CNTN1: variants seen among roughly 807,000 people sequenced by gnomAD.
CNTN1 encodes contactin-1.
CNTN1 carries 38 observed loss-of-function variants against 126.4 expected under a neutral mutation model. The ratio of observed to expected loss-of-function variants is 0.30; its 90% confidence interval spans 0.23 to 0.39. CNTN1 has a LOEUF of 0.39. Ranked by LOEUF, CNTN1 falls within the 10% of genes least tolerant of loss-of-function variation. The pLI, the probability that CNTN1 is intolerant of heterozygous loss-of-function variation, is 1.00. For missense variants in CNTN1, 1,009 were observed against 1,248.4 expected, an observed-to-expected ratio of 0.81 and a Z score of 2.89; for synonymous variants, 413 against 422.6, an observed-to-expected ratio of 0.98 and a Z score of 0.28.
intron 23 of CNTN1, among the ~76,000 whole-genome samples, chr12:41,067,851 T>G (rs1311052031): frequency 6.6e-6 from 1 of 152,170 alleles, no homozygotes; most frequent in African/African-American, 2.4e-5. Flanking sequence ...TGAGGTTTAT[T>G]ATTGGGCATC....
chr12:40,716,627 A>G (rs1323713120), intron 1 of CNTN1, among the ~76,000 whole-genome samples: 1 of 152,226 alleles, frequency 6.6e-6, no homozygotes, highest in Non-Finnish European at 1.5e-5. Flanking sequence ...TCATTGGCTT[A>G]GCCTTCAATG....
intron 1 of CNTN1, among the ~76,000 whole-genome samples, chr12:40,752,009 A>T (rs1338278723): frequency 1.3e-5 from 2 of 151,996 alleles, no homozygotes; most frequent in East Asian, 1.9e-4. Context: ...ACTGGAGTGA[A>T]TTTTTTTCAT....
intron 1 of CNTN1, among the ~76,000 whole-genome samples, chr12:40,821,794 A>G (rs2136528513): frequency 6.6e-6 from 1 of 152,194 alleles, no homozygotes; most frequent in South Asian, 2.1e-4. Context: ...TTCAAATAGA[A>G]TTGGATGACA....
intron 5 of CNTN1, among the ~76,000 whole-genome samples, chr12:40,924,232 T>C (rs111299925): frequency 3.9e-5 from 6 of 152,156 alleles, no homozygotes; most frequent in Non-Finnish European, 8.8e-5. Flanking sequence ...TCTGATTTCA[T>C]TGTATTTCCA....
intron 1 of CNTN1, among the ~76,000 whole-genome samples, chr12:40,825,288 A>C (rs1020652643): frequency 1.3e-5 from 2 of 152,276 alleles, no homozygotes; most frequent in African/African-American, 4.8e-5. Context: ...GGTAGGATGC[A>C]TTCTTTTCCT....
chr12:40,926,274 G>A (rs1057404385), intron 6 of CNTN1, among the ~76,000 whole-genome samples: 10 of 151,870 alleles, frequency 6.6e-5, no homozygotes, highest in African/African-American at 2.2e-4. Flanking sequence ...ACTGAACTCA[G>A]GAGGAGCATC....
At chr12:40,801,447 T>C (rs910219017) in intron 1 of CNTN1, among the ~76,000 whole-genome samples, 1 of 151,976 alleles carries the variant, frequency 6.6e-6, no homozygotes, top group Non-Finnish European at 1.5e-5. Context: ...TTGTTAATTA[T>C]AGTTTTGATC....
chr12:40,868,382 C>T (rs887149831), intron 1 of CNTN1, among the ~76,000 whole-genome samples: 5 of 152,094 alleles, frequency 3.3e-5, no homozygotes, highest in African/African-American at 9.7e-5. Context: ...CAGAGGATTA[C>T]ATCCTTGGTA....
chr12:41,009,484 G>A (rs1948592601), intron 17 of CNTN1, among the ~76,000 whole-genome samples: 2 of 152,162 alleles, frequency 1.3e-5, no homozygotes. Context: ...TGGCTGTTGA[G>A]CTGGTCCACA....
At chr12:40,695,180 C>T (rs1941421431) in intron 1 of CNTN1, among the ~76,000 whole-genome samples, 1 of 152,196 alleles carries the variant, frequency 6.6e-6, no homozygotes, top group South Asian at 2.1e-4. Context: ...ACATTGAACA[C>T]AGTCCTATAA....
At chr12:40,933,194 A>C (rs1207063365) in intron 7 of CNTN1, among the ~76,000 whole-genome samples, 1 of 151,880 alleles carries the variant, frequency 6.6e-6, no homozygotes, top group Admixed American at 6.6e-5. Context: ...TCTGTTGCTC[A>C]CTAAAGACAG....
intron 1 of CNTN1, among the ~76,000 whole-genome samples, chr12:40,716,396 CCTCCTT>C (rs112328603): frequency 0.012 from 1,777 of 151,356 alleles, 23 homozygotes; most frequent in African/African-American, 0.04. Flanking sequence ...TCTTTTTTCT[CCTCCTT>C]CTCCTTCTCC....
chr12:40,992,709 A>G (rs1948122772), intron 16 of CNTN1, among the ~76,000 whole-genome samples: 1 of 152,206 alleles, frequency 6.6e-6, no homozygotes, highest in Non-Finnish European at 1.5e-5. Flanking sequence ...TTTGCTAGCC[A>G]TAGACTATAT....
intron 23 of CNTN1, among the ~76,000 whole-genome samples, chr12:41,046,905 G>A (rs768148421): frequency 2.5e-5 from 3 of 122,112 alleles, no homozygotes; most frequent in African/African-American, 3.2e-5. Context: ...CTCCTGCCTT[G>A]AATGTCAGCT....
rs114136838 is a variant in CNTN1 at position 40,754,380 on chromosome 12, C to G, written c.-77+61788C>G. ...TATTTTCATATAACCAATGCACATT[C>G]TCCTGCATACTTTAAATCATGTCTA... is the stretch of plus-strand genomic sequence containing the variant. On this transcript the variant is annotated intron_variant, in intron 1 of 23. Transcript: ENST00000551295. 4.7e-4 allele frequency among the ~76,000 whole-genome samples: 71 copies of G among 152,210 alleles called. 1 individual carries two copies. The highest frequency in any genetic ancestry group is 1.7e-3 in the African/African-American group (69 of 41,540).
intron 17 of CNTN1, among the ~76,000 whole-genome samples, chr12:40,995,781 T>C (rs1437825920): frequency 6.6e-6 from 1 of 152,200 alleles, no homozygotes; most frequent in African/African-American, 2.4e-5. Flanking sequence ...TCTAACACAT[T>C]TGTTAATCTA....
At chr12:40,782,449 C>A (rs189630761) in intron 1 of CNTN1, among the ~76,000 whole-genome samples, 54 of 151,896 alleles carry the variant, frequency 3.6e-4, no homozygotes, top group Non-Finnish European at 5.9e-4. Flanking sequence ...TTCTATAGAA[C>A]AAATTGAAAA....
At chr12:40,945,496 T>C (rs1946402529) in intron 14 of CNTN1, among the ~76,000 whole-genome samples, 1 of 151,958 alleles carries the variant, frequency 6.6e-6, no homozygotes, top group African/African-American at 2.4e-5. Context: ...AGTCTAGAAG[T>C]TCCACAACCA....
intron 1 of CNTN1, among the ~76,000 whole-genome samples, chr12:40,768,414 A>C (rs1939207329): frequency 6.6e-6 from 1 of 152,078 alleles, no homozygotes; most frequent in Non-Finnish European, 1.5e-5. Flanking sequence ...CAAATCCCTT[A>C]TAAGCACACA....
Sources: gnomAD v4.1 joint callset for allele counts (sites outside exome capture counted in the v4.1 genomes callset) on GRCh38, gnomAD v4.1.1 for gene constraint, MANE v1.5 for transcripts, NCBI Gene and HGNC (gene_info 2026-07-23, HGNC 2026-07-21) for gene names.